TRPM8: variants seen among roughly 807,000 people sequenced by gnomAD.
The protein encoded by TRPM8 is transient receptor potential cation channel subfamily M member 8, also known as TRPM8 cationic channel.
TRPM8 carries 110 observed loss-of-function variants against 133.7 expected under a neutral mutation model. The ratio of observed to expected loss-of-function variants is 0.82; its 90% CI spans 0.70 to 0.96. TRPM8 has a LOEUF of 0.96. TRPM8 is among the 40% of genes least tolerant of loss of function. The probability of loss-of-function intolerance (pLI) is 0.00; values close to 1 mark genes in which losing one functional copy is unlikely to be tolerated. For missense variants in TRPM8, 1,291 were observed against 1,379.5 expected (o/e 0.94, Z 1.02); for synonymous variants, 535 against 532.3 (o/e 1.01, Z -0.07).
Position 233,945,906 on chromosome 2 carries a change from G to C in TRPM8, c.750G>C (p.Leu250=), listed in dbSNP as rs11562975. The C allele has an allele frequency of 0.11, 172,705 of 1,613,926 alleles. 10,812 individuals carry two copies. The highest frequency in any genetic ancestry group is 0.22 in the Admixed American group (12,992 of 60,010). Residue 250 remains leucine (L), a synonymous_variant, in exon 7 of 26, where the codon CTG becomes CTC. Coordinates refer to ENST00000324695, the MANE Select transcript of TRPM8 (RefSeq NM_024080.5). ...YLMDDFTRDP[L]YILDNNHTHL... is the part of the protein sequence containing the mutation. ...TGGATGACTTCACAAGAGATCCACT[G>C]TATATCCTGGACAACAACCACACAC...
chr2:233,951,402 G>A (rs1691169744), intron 9 of TRPM8, among the ~76,000 whole-genome samples: 1 of 152,148 alleles, frequency 6.6e-6, no homozygotes, highest in Admixed American at 6.5e-5. Context: ...CCCCATAGAG[G>A]AAGAAACGGA....
At chr2:233,972,351 C>A (rs1217923456) in intron 17 of TRPM8, among the ~76,000 whole-genome samples, 1 of 152,272 alleles carries the variant, frequency 6.6e-6, no homozygotes, top group Non-Finnish European at 1.5e-5. Flanking sequence ...AATCCTTGGG[C>A]TAGACATAAA....
chr2:233,923,206 T>C (rs1203625311), intron 1 of TRPM8, among the ~76,000 whole-genome samples: 1 of 152,254 alleles, frequency 6.6e-6, no homozygotes, highest in Non-Finnish European at 1.5e-5. Flanking sequence ...TGATTTCATC[T>C]GGATACCTCT....
In TRPM8 at chr2:233,937,373, G is replaced by A. The variant is rs1559520194; in HGVS notation, c.212G>A (p.Gly71Asp). Residue 71 changes from glycine to aspartate, a missense_variant, in exon 4 of 26, where the codon GGC (glycine) becomes GAC (aspartate). Transcript: ENST00000324695. Reference protein sequence around the residue: ...SKATENVCKCGYAQSQHMEGT... With the variant: ...SKATENVCKCDYAQSQHMEGT... Reference sequence around the variant, plus strand: ...ATCAGGGAGAATGTGTGCAAGTGTGGCTATGCCCAGAGCCAGCACATGGAA... The same window carrying A: ...ATCAGGGAGAATGTGTGCAAGTGTGACTATGCCCAGAGCCAGCACATGGAA... 1 of 1,614,140 alleles carries A rather than the reference G, an allele frequency of 6.2e-7. No homozygotes were observed. The highest frequency in any genetic ancestry group is 1.7e-5 in the Admixed American group (1 of 60,024).
At position 233,927,952 on chromosome 2, in the gene TRPM8, CTCTCTCTCTT is replaced by C. The variant is rs1242377773; in HGVS notation, c.117+1302_117+1311del. ...TCTCTCTCTCTCTCTCTCTCTCTCT[CTCTCTCTCTT>C]TCTTTCTTTCTTTCTTTTTTTTTTT... is the stretch of plus-strand genomic sequence containing the variant. On this transcript the variant is annotated intron_variant, in intron 2 of 25. Coordinates refer to ENST00000324695, the MANE Select transcript of TRPM8 (RefSeq NM_024080.5). 2.9e-3 allele frequency among the ~76,000 whole-genome samples: 223 copies of C among 76,638 alleles called. 60 individuals are homozygous for C. Among genetic ancestry groups the C allele is most frequent in the African/African-American group, 0.018 (172 of 9,768 alleles). The allele number at this position is 76,638 out of a possible 152,430, so 50.3% of individuals were successfully genotyped here. A position where few individuals can be genotyped will look rare whatever the true frequency, so the allele number is the denominator to read the frequency against.
intron 24 of TRPM8, among the ~76,000 whole-genome samples, chr2:234,013,035 A>G (rs149220662): frequency 6.6e-6 from 1 of 152,218 alleles, no homozygotes; most frequent in Non-Finnish European, 1.5e-5. Flanking sequence ...CTAGTATTTT[A>G]TTGAGATTTC....
chr2:233,929,746 G>A (rs1691644826), intron 2 of TRPM8: 1 of 152,222 alleles, frequency 6.6e-6, no homozygotes, highest in African/African-American at 2.4e-5. Context: ...CTCTTCCTCA[G>A]GGAGGTAACT....
intron 3 of TRPM8, among the ~76,000 whole-genome samples, chr2:233,936,069 C>T (rs553544890): frequency 1.3e-5 from 2 of 152,224 alleles, no homozygotes; most frequent in South Asian, 2.1e-4. Flanking sequence ...CCAGGCCCAG[C>T]GAAACACTGT....
chr2:233,997,010 A>C (rs963203294), intron 22 of TRPM8, among the ~76,000 whole-genome samples: 1 of 152,176 alleles, frequency 6.6e-6, no homozygotes, highest in Admixed American at 6.5e-5. Context: ...CACGCCTGTA[A>C]TCCCAACACT....
At chr2:233,998,716 C>T (rs1692472851) in intron 22 of TRPM8, among the ~76,000 whole-genome samples, 1 of 151,912 alleles carries the variant, frequency 6.6e-6, no homozygotes, top group South Asian at 2.1e-4. Flanking sequence ...CCGCCTGTGC[C>T]CATCCAGTTA....
At chr2:233,932,986 C>A (rs998600181) in intron 3 of TRPM8, among the ~76,000 whole-genome samples, 14 of 151,078 alleles carry the variant, frequency 9.3e-5, no homozygotes, top group Non-Finnish European at 4.4e-5. Context: ...CCCAACCCAC[C>A]CTTGCCTCTC....
chr2:233,950,250 G>T (rs1056103488), intron 9 of TRPM8, 104 bp downstream of exon 9: 1 of 1,197,726 alleles, frequency 8.3e-7, no homozygotes, highest in Admixed American at 2.2e-5. Context: ...CACGTGTTTG[G>T]TATTTTCTCC....
intron 21 of TRPM8, among the ~76,000 whole-genome samples, chr2:233,988,135 T>G (rs1248150596): frequency 6.6e-6 from 1 of 152,178 alleles, no homozygotes; most frequent in Non-Finnish European, 1.5e-5. Context: ...TTCCCCACCA[T>G]GCTCATCCCC....
At chr2:234,008,411 G>T (rs1359370908) in intron 24 of TRPM8, among the ~76,000 whole-genome samples, 3 of 152,208 alleles carry the variant, frequency 2.0e-5, no homozygotes, top group African/African-American at 7.2e-5. Context: ...GGAACATAAG[G>T]AAGGCTCAAA....
chr2:233,921,722 G>A (rs1691416459), intron 1 of TRPM8, among the ~76,000 whole-genome samples: 1 of 139,088 alleles, frequency 7.2e-6, no homozygotes, highest in African/African-American at 2.8e-5. Context: ...TGTCACCCAG[G>A]CTGGAGTGCA....
At chr2:233,975,409 CT>C (rs1359593009) in intron 17 of TRPM8, among the ~76,000 whole-genome samples, 1 of 152,196 alleles carries the variant, frequency 6.6e-6, no homozygotes, top group East Asian at 1.9e-4. Context: ...GCAGAGGGCG[CT>C]TTGGTGGCCT....
At chr2:233,927,381 C>G (rs920094572) in intron 2 of TRPM8, among the ~76,000 whole-genome samples, 2 of 152,192 alleles carry the variant, frequency 1.3e-5, no homozygotes, top group African/African-American at 4.8e-5. Flanking sequence ...AAAACCTGCT[C>G]TCCCCCAGTT....
rs199716904 is a variant in TRPM8 at position 233,939,122 on chromosome 2, A to G, written c.473A>G (p.Lys158Arg). ...GGGGGCGCCAAGAACTTCGCCCTGAAGCCGCGCATGCGCAAGATCTTCAGC... is the reference window on the plus strand; with the variant it reads ...GGGGGCGCCAAGAACTTCGCCCTGAGGCCGCGCATGCGCAAGATCTTCAGC... ...VTGGAKNFAL[K>R]PRMRKIFSRL... The change falls in exon 5 of 26, where the codon AAG (lysine) becomes AGG (arginine). Residue 158 changes from lysine (K) to arginine (R), a missense_variant. Physicochemically the swap from Lys to Arg is conservative, Grantham distance 26 (BLOSUM62 2). Transcript: ENST00000324695. 8 of 1,614,024 alleles carry G rather than the reference A, an allele frequency of 5.0e-6. No homozygotes were observed. The African/African-American group carries it at 8.0e-5, about 16-fold the overall frequency.
At position 233,985,780 on chromosome 2, in the gene TRPM8, C is replaced by T. The variant is rs200606227; in HGVS notation, c.2854C>T (p.Pro952Ser). The T allele has an allele frequency of 3.1e-6, 5 of 1,614,184 alleles. No individual in the cohort carries two copies. Among genetic ancestry groups the T allele is most frequent in the Non-Finnish European group, 3.4e-6 (4 of 1,180,018 alleles). ...ELDEHNLPRFPEWITIPLVCI... is the reference protein window; with the variant it reads ...ELDEHNLPRFSEWITIPLVCI... ...GGATGAGCACAACCTGCCCCGGTTCCCCGAGTGGATCACCATCCCCCTGGT... is the reference window on the plus strand; with the variant it reads ...GGATGAGCACAACCTGCCCCGGTTCTCCGAGTGGATCACCATCCCCCTGGT... Residue 952 changes from proline to serine, a missense_variant, in exon 21 of 26, where the codon CCC becomes TCC. Around this residue, in one of 2 missense-constraint regions of TRPM8, gnomAD observed 328 missense variants for 410.6 expected, o/e 0.80. Coordinates refer to ENST00000324695, the MANE Select transcript of TRPM8 (RefSeq NM_024080.5).
Sources: gnomAD v4.1 joint callset for allele counts (sites outside exome capture counted in the v4.1 genomes callset) on GRCh38, gnomAD v4.1.1 for gene constraint, gnomAD v4.1.1 regional missense constraint, MANE v1.5 for transcripts, NCBI Gene and HGNC (gene_info 2026-07-23, HGNC 2026-07-21) for gene names.